ANO4: variants seen among roughly 807,000 people sequenced by gnomAD.
ANO4 encodes the protein anoctamin 4.
In ANO4, 69 loss-of-function variants were observed where a neutral mutation model predicts 141.9. That is an observed-to-expected ratio of 0.49 (90% CI 0.40 to 0.59). The LOEUF (loss-of-function observed/expected upper bound fraction) is 0.59. Ranked by LOEUF, ANO4 falls within the 20% of genes least tolerant of loss-of-function variation. The pLI, the probability that ANO4 is intolerant of heterozygous loss-of-function variation, is 0.00. For synonymous variants in ANO4, 350 were observed against 394.3 expected (o/e 0.89, Z 1.33); for missense variants, 894 against 1,162.2 (o/e 0.77, Z 3.36).
chr12:100,857,429 A>G (rs1395797134), intron 1 of ANO4, among the ~76,000 whole-genome samples: 1 of 152,128 alleles, frequency 6.6e-6, no homozygotes, highest in Non-Finnish European at 1.5e-5. Context: ...AATGCTTTAC[A>G]TTCGTGATCT....
intron 14 of ANO4, among the ~76,000 whole-genome samples, chr12:101,052,300 G>C (rs2047905430): frequency 1.3e-5 from 2 of 152,120 alleles, no homozygotes; most frequent in Admixed American, 6.5e-5. Flanking sequence ...TGGAATTACA[G>C]TGTGGCTCAT....
At chr12:100,900,096 T>A (rs2040521557) in intron 1 of ANO4, among the ~76,000 whole-genome samples, 1 of 141,600 alleles carries the variant, frequency 7.1e-6, no homozygotes. Context: ...CAGTTCTCAC[T>A]CAGAAAGAAA....
chr12:100,987,516 G>A lies in ANO4; in HGVS notation c.603-23G>A, dbSNP rs116765257. The A allele has an allele frequency of 5.0e-6, 8 of 1,610,780 alleles. No individual in the cohort carries two copies. The South Asian group carries it at 7.7e-5, about 16-fold the overall frequency. On this transcript the variant is annotated intron_variant, in intron 7 of 27. Coordinates refer to ENST00000392977, the MANE Select transcript of ANO4 (RefSeq NM_001286615.2). ...CATTGCTGACATGCTGTACCCTTTG[G>A]TCTTGCCTTCCATGTACCACAGGAT...
intron 25 of ANO4, among the ~76,000 whole-genome samples, chr12:101,118,391 A>C (rs576320977): frequency 6.6e-6 from 1 of 152,330 alleles, no homozygotes; most frequent in East Asian, 1.9e-4. Context: ...TGGCACCATT[A>C]AGTTAAATTA....
intron 5 of ANO4, among the ~76,000 whole-genome samples, chr12:100,961,491 A>T (rs375326460): frequency 6.6e-6 from 1 of 152,194 alleles, no homozygotes; most frequent in African/African-American, 2.4e-5. Flanking sequence ...AATCACTGCA[A>T]CGAGCTGACC....
intron 5 of ANO4, among the ~76,000 whole-genome samples, chr12:100,953,118 C>T (rs11110594): frequency 6.6e-6 from 1 of 152,290 alleles, no homozygotes; most frequent in East Asian, 1.9e-4. Context: ...GCACGTTTTG[C>T]ATAATCATCA....
intron 1 of ANO4, among the ~76,000 whole-genome samples, chr12:100,835,896 G>A (rs1011115308): frequency 6.6e-6 from 1 of 152,148 alleles, no homozygotes; most frequent in Middle Eastern, 3.4e-3. Context: ...ATGTAACCAA[G>A]CACTTACATT....
At chr12:100,966,834 TATATACACACACAC>T (rs2043680133) in intron 5 of ANO4, among the ~76,000 whole-genome samples, 2 of 121,912 alleles carry the variant, frequency 1.6e-5, no homozygotes, top group South Asian at 5.5e-4. Context: ...TATACACATA[TATATACACACACAC>T]ATATACACAC....
intron 5 of ANO4, among the ~76,000 whole-genome samples, chr12:100,951,201 A>C (rs1222768738): frequency 6.6e-6 from 1 of 152,174 alleles, no homozygotes; most frequent in East Asian, 1.9e-4. Flanking sequence ...ATGTTGGCAA[A>C]GTTGTGGAGA....
intron 2 of ANO4, among the ~76,000 whole-genome samples, chr12:100,739,084 T>G (rs2031747495): frequency 7.1e-6 from 1 of 141,608 alleles, no homozygotes. Context: ...TAAATCTTTA[T>G]GTATATATAA....
intron 7 of ANO4, 65 bp from the exon 8 acceptor site, chr12:100,987,474 C>G: frequency 1.3e-6 from 2 of 1,580,062 alleles, no homozygotes. Flanking sequence ...CGGAGACCTT[C>G]CTCCTGTGTT....
At chr12:100,937,921 C>T (rs1285457026) in intron 3 of ANO4, among the ~76,000 whole-genome samples, 1 of 152,152 alleles carries the variant, frequency 6.6e-6, no homozygotes, top group East Asian at 1.9e-4. Context: ...TTACATCAGG[C>T]CTACCTATAT....
chr12:101,112,517 G>C (rs2050699560), intron 24 of ANO4, among the ~76,000 whole-genome samples: 2 of 152,202 alleles, frequency 1.3e-5, no homozygotes, highest in Admixed American at 1.3e-4. Context: ...CTATAGGTCA[G>C]AGTGAGGTGT....
rs775462128 is a variant in ANO4 at position 100,942,518 on chromosome 12, T to C, written c.439T>C (p.Leu147=). ...TGAAAGAAACATTAGAGCAGAAGGA[T>C]TGCAAATGGAGAAAGAGGTAAATAG... ...VFERNIRAEG[L]QMEKESSLIN... Residue 147 remains leucine, a synonymous_variant, in exon 5 of 28, where the codon TTG becomes CTG. Transcript: ENST00000392977. The C allele has an allele frequency of 6.2e-7, 1 of 1,613,354 alleles. No homozygotes were observed. The highest frequency in any genetic ancestry group is 1.3e-5 in the African/African-American group (1 of 74,876).
At chr12:100,872,764 T>C (rs1593587842) in intron 1 of ANO4, among the ~76,000 whole-genome samples, 1 of 152,308 alleles carries the variant, frequency 6.6e-6, no homozygotes, top group East Asian at 1.9e-4. Flanking sequence ...TCATTGAAAG[T>C]AATTATCACA....
chr12:101,008,438 G>GA (rs2045954224), intron 8 of ANO4, among the ~76,000 whole-genome samples: 1 of 152,030 alleles, frequency 6.6e-6, no homozygotes, highest in South Asian at 2.1e-4. Context: ...TAGAGAATAA[G>GA]AATTTGCTGT....
chr12:100,784,575 C>T (rs185447162), intron 3 of ANO4, among the ~76,000 whole-genome samples: 9 of 152,146 alleles, frequency 5.9e-5, no homozygotes, highest in Admixed American at 6.5e-5. Flanking sequence ...TTTACTCTTG[C>T]GTAGAACCCC....
chr12:101,110,841 C>T (rs994305082), intron 23 of ANO4, among the ~76,000 whole-genome samples: 1 of 152,120 alleles, frequency 6.6e-6, no homozygotes, highest in Non-Finnish European at 1.5e-5. Flanking sequence ...GATTTATTAT[C>T]ACTTATATCC....
At chr12:100,901,255 A>C (rs2040579421) in intron 1 of ANO4, among the ~76,000 whole-genome samples, 2 of 152,232 alleles carry the variant, frequency 1.3e-5, no homozygotes, top group South Asian at 4.1e-4. Flanking sequence ...ATATAATTCT[A>C]AGGTTATCAA....
Sources: allele counts gnomAD v4.1 joint callset (sites outside exome capture counted in the v4.1 genomes callset), GRCh38; gene constraint gnomAD v4.1.1; transcripts MANE v1.5; gene names NCBI Gene and HGNC (gene_info 2026-07-23, HGNC 2026-07-21).